Variants in ADGRL3 observed in about 807,000 individuals in gnomAD.
The protein encoded by ADGRL3 is calcium-independent alpha-latrotoxin receptor 3.
In ADGRL3, 62 loss-of-function variants were observed where a neutral mutation model predicts 153.5. The observed-to-expected ratio is 0.40, with a 90% CI of 0.33 to 0.50. ADGRL3 has a LOEUF of 0.50. Ranked by LOEUF, ADGRL3 falls within the 20% of genes least tolerant of loss-of-function variation. The pLI is 0.47. For synonymous variants in ADGRL3, 710 were observed against 672.5 expected, an observed-to-expected ratio of 1.06 and a Z score of -0.86; for missense variants, 1,641 against 1,859.4, an observed-to-expected ratio of 0.88 and a Z score of 2.16.
chr4:61,449,264 G>A (rs1319653104), intron 2 of ADGRL3, among the ~76,000 whole-genome samples: 1 of 151,936 alleles, frequency 6.6e-6, no homozygotes, highest in East Asian at 1.9e-4. Context: ...GCCTCCCTTA[G>A]TAGCTGGGAT....
intron 1 of ADGRL3, among the ~76,000 whole-genome samples, chr4:61,275,642 T>C (rs1040388044): frequency 2.6e-5 from 4 of 152,172 alleles, no homozygotes; most frequent in Admixed American, 1.3e-4. Context: ...GGAGCATGCA[T>C]GTTTCAGTTT....
intron 1 of ADGRL3, among the ~76,000 whole-genome samples, chr4:61,259,688 G>A (rs1245485451): frequency 1.3e-5 from 2 of 152,086 alleles, no homozygotes; most frequent in Non-Finnish European, 2.9e-5. Context: ...GTGTGAGAAA[G>A]GAGGAAAGCA....
At chr4:61,380,312 C>T (rs1474853661) in intron 1 of ADGRL3, among the ~76,000 whole-genome samples, 2 of 151,904 alleles carry the variant, frequency 1.3e-5, no homozygotes, top group Non-Finnish European at 2.9e-5. Flanking sequence ...CTGTTCAGTT[C>T]ACTCCTGAAT....
intron 8 of ADGRL3, among the ~76,000 whole-genome samples, chr4:61,759,291 C>T (rs1162683790): frequency 6.6e-6 from 1 of 152,160 alleles, no homozygotes; most frequent in Non-Finnish European, 1.5e-5. Flanking sequence ...CCATTCTCCC[C>T]ATCACTTTCA....
intron 4 of ADGRL3, among the ~76,000 whole-genome samples, chr4:61,543,247 A>G (rs772773139): frequency 3.3e-5 from 5 of 151,028 alleles, no homozygotes; most frequent in Admixed American, 2.7e-4. Flanking sequence ...TGATTAAATT[A>G]AGGACATTGA....
Position 61,936,054 on chromosome 4 carries a change from G to C in ADGRL3, c.2419+9G>C, listed in dbSNP as rs749410369. The C allele has an allele frequency of 8.0e-5, 129 of 1,609,650 alleles. No homozygotes were observed. Among genetic ancestry groups the C allele is most frequent in the Non-Finnish European group, 1.0e-4 (118 of 1,177,942 alleles). Reference sequence around the variant, plus strand: ...GCAAAATGGCCGAAATGGTAGGTTAGAGTTTATTTTTTAAGCTTGAGGGAA... The same window carrying C: ...GCAAAATGGCCGAAATGGTAGGTTACAGTTTATTTTTTAAGCTTGAGGGAA... On this transcript the variant is annotated intron_variant, in intron 15 of 26. Transcript: ENST00000683033.
intron 9 of ADGRL3, among the ~76,000 whole-genome samples, chr4:61,868,662 A>C (rs1418700205): frequency 6.6e-6 from 1 of 152,166 alleles, no homozygotes; most frequent in African/African-American, 2.4e-5. Context: ...CTCCAGCTAA[A>C]TTAATCTTTC....
chr4:61,928,763 C>A (rs1039319567), intron 13 of ADGRL3, among the ~76,000 whole-genome samples: 3 of 152,090 alleles, frequency 2.0e-5, no homozygotes, highest in Non-Finnish European at 4.4e-5. Flanking sequence ...ATGGTGATAT[C>A]TGAACACGTT....
At chr4:61,558,308 G>A (rs992922192) in intron 4 of ADGRL3, among the ~76,000 whole-genome samples, 1 of 151,002 alleles carries the variant, frequency 6.6e-6, no homozygotes, top group Non-Finnish European at 1.5e-5. Flanking sequence ...TTCTTCTTAT[G>A]TGTTCCTGGG....
intron 15 of ADGRL3, among the ~76,000 whole-genome samples, chr4:61,938,830 A>T (rs929230907): frequency 3.0e-5 from 4 of 131,876 alleles, no homozygotes; most frequent in African/African-American, 1.1e-4. Flanking sequence ...TTTCCCAAAC[A>T]TGGGAGTTAG....
chr4:62,024,670 C>T (rs1717291835), intron 21 of ADGRL3, among the ~76,000 whole-genome samples: 1 of 151,992 alleles, frequency 6.6e-6, no homozygotes, highest in African/African-American at 2.4e-5. Context: ...GTAGCTCACG[C>T]CTGTAATCCC....
intron 13 of ADGRL3, among the ~76,000 whole-genome samples, chr4:61,926,746 C>A (rs1377306630): frequency 1.3e-5 from 2 of 152,168 alleles, no homozygotes; most frequent in African/African-American, 4.8e-5. Context: ...TGCTCTATTA[C>A]CTTACATGTT....
chr4:61,367,626 C>G (rs2096430153), intron 1 of ADGRL3, among the ~76,000 whole-genome samples: 2 of 147,650 alleles, frequency 1.4e-5, no homozygotes, highest in Non-Finnish European at 3.0e-5. Flanking sequence ...ATTTCTTAAT[C>G]CAGTCTATCA....
At chr4:61,346,500 A>G (rs962890215) in intron 1 of ADGRL3, among the ~76,000 whole-genome samples, 2 of 151,968 alleles carry the variant, frequency 1.3e-5, no homozygotes, top group Admixed American at 6.6e-5. Flanking sequence ...GGGGTGGCTC[A>G]TGCCTGTAAT....
intron 8 of ADGRL3, among the ~76,000 whole-genome samples, chr4:61,805,339 A>G (rs558077294): frequency 1.3e-5 from 2 of 152,166 alleles, no homozygotes; most frequent in African/African-American, 4.8e-5. Context: ...AATTTACCAC[A>G]TTATGTTTTT....
At chr4:61,849,374 C>A (rs1359545267) in intron 9 of ADGRL3, among the ~76,000 whole-genome samples, 3 of 152,142 alleles carry the variant, frequency 2.0e-5, no homozygotes, top group East Asian at 3.9e-4. Flanking sequence ...AATCTAAATA[C>A]TGTCTGTTTT....
At chr4:61,328,351 A>G (rs532270406) in intron 1 of ADGRL3, among the ~76,000 whole-genome samples, 1 of 152,306 alleles carries the variant, frequency 6.6e-6, no homozygotes, top group South Asian at 2.1e-4. Flanking sequence ...CGGAGATAGT[A>G]GGAACTAGTG....
intron 1 of ADGRL3, among the ~76,000 whole-genome samples, chr4:61,215,766 A>G (rs1264195940): frequency 1.3e-5 from 2 of 151,514 alleles, no homozygotes; most frequent in Admixed American, 6.6e-5. Context: ...GTTAGCCAGG[A>G]TGGTGTCGAT....
intron 4 of ADGRL3, among the ~76,000 whole-genome samples, chr4:61,521,986 G>A (rs2098534094): frequency 6.6e-6 from 1 of 152,040 alleles, no homozygotes; most frequent in African/African-American, 2.4e-5. Flanking sequence ...TATTTGTTAG[G>A]CATCTTCTTT....
Sources: gnomAD v4.1 joint callset for allele counts (sites outside exome capture counted in the v4.1 genomes callset) on GRCh38, gnomAD v4.1.1 for gene constraint, MANE v1.5 for transcripts, NCBI Gene and HGNC (gene_info 2026-07-23, HGNC 2026-07-21) for gene names.